The following ITPR3 variants were observed in gnomAD, a reference collection of about 807,000 sequenced individuals.
The protein encoded by ITPR3 is inositol 1,4,5-trisphosphate receptor type 3.
In ITPR3, 173 loss-of-function variants were observed where a neutral mutation model predicts 293.2. That is an observed-to-expected ratio of 0.59 (90% CI 0.52 to 0.67). ITPR3 has a LOEUF of 0.67. ITPR3 is among the 30% of genes least tolerant of loss of function. The probability of loss-of-function intolerance (pLI) is 0.00; values close to 1 mark genes in which losing one functional copy is unlikely to be tolerated. For synonymous variants in ITPR3, 1,295 were observed against 1,444.4 expected, an observed-to-expected ratio of 0.90 and a Z score of 2.35; for missense variants, 2,796 against 3,592.1, an observed-to-expected ratio of 0.78 and a Z score of 5.66.
rs1355405967 is a variant in ITPR3 at position 33,689,263 on chromosome 6, A to G, written c.6720A>G (p.Ser2240=). 5 of 1,610,720 alleles carry G rather than the reference A, an allele frequency of 3.1e-6. No homozygotes were observed. Among genetic ancestry groups the G allele is most frequent in the Non-Finnish European group, 4.2e-6 (5 of 1,179,824 alleles). ...GCGTGCTGGACTCCCCTCTCATCTCATTGCTCTTCTGGATCCTCATCTGCT... is the reference window on the plus strand; with the variant it reads ...GCGTGCTGGACTCCCCTCTCATCTCGTTGCTCTTCTGGATCCTCATCTGCT... The part of the protein sequence containing the change: ...STGVLDSPLI[S]LLFWILICFS... The change falls in exon 50 of 58, where the codon TCA becomes TCG. Residue 2240 remains serine, a synonymous_variant. Coordinates refer to ENST00000605930, the MANE Select transcript of ITPR3 (RefSeq NM_002224.4).
At chr6:33,678,612 C>G (rs1554138663) in intron 29 of ITPR3, 27 bp from the exon 30 acceptor site, 4 of 1,601,776 alleles carry the variant, frequency 2.5e-6, no homozygotes, top group Non-Finnish European at 3.4e-6. Context: ...GCCCAGATCT[C>G]TTTCTGACAG....
At chr6:33,648,782 T>C (rs976784092) in intron 2 of ITPR3, among the ~76,000 whole-genome samples, 26 of 152,158 alleles carry the variant, frequency 1.7e-4, no homozygotes, top group South Asian at 2.1e-4. Flanking sequence ...TTGTAGAAAT[T>C]GGGGGTCTCA....
chr6:33,663,151 T>A (rs1764519016), intron 9 of ITPR3, 145 bp downstream of exon 9: 1 of 685,878 alleles, frequency 1.5e-6, no homozygotes, highest in Admixed American at 2.5e-5. Context: ...TCCAATATTA[T>A]CAAATAAAGG....
intron 2 of ITPR3, among the ~76,000 whole-genome samples, chr6:33,645,291 G>A (rs1421472723): frequency 2.0e-5 from 3 of 152,068 alleles, no homozygotes; most frequent in African/African-American, 4.8e-5. Flanking sequence ...CCAAGATCAC[G>A]CCACTGCACT....
intron 7 of ITPR3, 57 bp downstream of exon 7, chr6:33,659,606 G>C: frequency 1.4e-6 from 2 of 1,454,930 alleles, no homozygotes; most frequent in South Asian, 2.3e-5. Flanking sequence ...CCCCACCAGG[G>C]CCCTCTTCCT....
intron 1 of ITPR3, among the ~76,000 whole-genome samples, chr6:33,634,190 G>T (rs982537985): frequency 1.3e-5 from 2 of 152,140 alleles, no homozygotes; most frequent in Admixed American, 6.5e-5. Flanking sequence ...GGGAGCTTGG[G>T]GGCACGGTGG....
intron 27 of ITPR3, 122 bp from the exon 28 acceptor site, chr6:33,677,382 C>A: frequency 1.5e-6 from 2 of 1,376,734 alleles, no homozygotes; most frequent in Admixed American, 2.1e-5. Context: ...TCTGATTCAG[C>A]GCCTGTGACC....
rs912784494 is a variant in ITPR3 at position 33,676,755 on chromosome 6, C to T, written c.3283-13C>T. ...AGCCCATCTCACCAGCCAGGCCCAT[C>T]CTCCACCTTCAGGTTCAGCTGCTGA... On this transcript the variant is annotated splice_polypyrimidine_tract_variant and intron_variant, in intron 25 of 57. Coordinates refer to ENST00000605930, the MANE Select transcript of ITPR3 (RefSeq NM_002224.4). 13 of 1,613,650 alleles carry T rather than the reference C, an allele frequency of 8.1e-6. No homozygotes were observed. The highest frequency in any genetic ancestry group is 1.3e-5 in the African/African-American group (1 of 74,934).
chr6:33,662,766 C>A, intron 8 of ITPR3, 92 bp downstream of exon 8: 1 of 1,535,380 alleles, frequency 6.5e-7, no homozygotes. Flanking sequence ...GATATTGACC[C>A]CTACCTCCCT....
At chr6:33,657,516 C>T (rs1028281153) in intron 3 of ITPR3, among the ~76,000 whole-genome samples, 29 of 139,074 alleles carry the variant, frequency 2.1e-4, no homozygotes, top group Middle Eastern at 7.6e-3. Flanking sequence ...CCCCTGCCAG[C>T]GTTTGGACTG....
chr6:33,648,222 C>T (rs760035455), intron 2 of ITPR3, among the ~76,000 whole-genome samples: 75 of 151,860 alleles, frequency 4.9e-4, no homozygotes, highest in South Asian at 1.3e-3. Context: ...TGCGTCACCA[C>T]GCCTGGCTAA....
In ITPR3 at chr6:33,666,676, T is replaced by C. The variant is rs1764617663; in HGVS notation, c.1552-453T>C. Reference sequence around the variant, plus strand: ...CCATTCTGTTGCTCTGTCACTTTGGTCTCTGTTTCAGAACAATTTTTCACC... The same window carrying C: ...CCATTCTGTTGCTCTGTCACTTTGGCCTCTGTTTCAGAACAATTTTTCACC... On this transcript the variant is annotated intron_variant, in intron 14 of 57. Coordinates refer to ENST00000605930, the MANE Select transcript of ITPR3 (RefSeq NM_002224.4). This position sits in a 1 kb window ranked among gnomAD's most constrained non-coding sequence, Gnocchi z 5.1. Among the ~76,000 whole-genome samples the C allele has an allele frequency of 6.6e-6, 1 of 151,968 alleles. No individual in the cohort carries two copies. Among genetic ancestry groups the C allele is most frequent in the Admixed American group, 6.6e-5 (1 of 15,266 alleles).
rs775282275 is a variant in ITPR3, at chr6:33,670,449, G to A, written c.2314G>A (p.Asp772Asn). 5.0e-6 allele frequency: 8 copies of A among 1,614,056 alleles called. No individual in the cohort carries two copies. The highest frequency in any genetic ancestry group is 6.8e-6 in the Non-Finnish European group (8 of 1,180,036). The part of the protein sequence containing the change: ...LCMADEMLPF[D>N]LRASFCHLML... ...CATGGCAGACGAGATGCTGCCCTTT[G>A]ACCTGCGCGCCTCCTTCTGCCACCT... is the stretch of plus-strand genomic sequence containing the variant. Residue 772 changes from aspartate (D) to asparagine (N), a missense_variant, in exon 19 of 58, where the codon GAC becomes AAC. Asp to Asn is a conservative substitution (Grantham distance 23). This residue lies in a region of ITPR3 where 955 missense variants were observed against 1,180.8 expected (regional missense o/e 0.81). Transcript: ENST00000605930. The surrounding 1 kb of genome is among the most constrained non-coding windows in gnomAD (Gnocchi z 6.7).
At chr6:33,694,111 C>T (rs968098209) in intron 56 of ITPR3, among the ~76,000 whole-genome samples, 6 of 152,180 alleles carry the variant, frequency 3.9e-5, no homozygotes, top group Admixed American at 1.3e-4. Context: ...ATCTGTGGGC[C>T]GCTCTCAGGG....
chr6:33,685,522 C>A lies in ITPR3; in HGVS notation c.5471C>A (p.Pro1824His). ...CATGAGGACCGCGAGCCAGTCGACC[C>A]CACCACCAAAGGTCAGGGGTCTGAG... ...QPHEDREPVD[P>H]TTKGRVASFS... Residue 1824 changes from proline (P) to histidine (H), a missense_variant, in exon 40 of 58, where the codon CCC becomes CAC. Physicochemically the swap from Pro to His is moderately conservative, Grantham distance 77. Transcript: ENST00000605930. The A allele has an allele frequency of 6.2e-7, 1 of 1,613,384 alleles. No homozygotes were observed. Among genetic ancestry groups the A allele is most frequent in the Non-Finnish European group, 8.5e-7 (1 of 1,179,610 alleles).
rs1428113534 is a variant in ITPR3, at chr6:33,670,384, A to G, written c.2249A>G (p.Glu750Gly). 1.1e-5 allele frequency: 17 copies of G among 1,613,988 alleles called. No homozygotes were observed. Among genetic ancestry groups the G allele is most frequent in the Non-Finnish European group, 1.4e-5 (17 of 1,180,038 alleles). ...CLDRQYLAIDEISQQLGVDLI... is the reference protein window; with the variant it reads ...CLDRQYLAIDGISQQLGVDLI... The stretch of plus-strand genomic sequence containing the variant: ...GACCGCCAGTACTTGGCCATCGACG[A>G]GATCTCCCAGCAGCTGGGCGTGGAC... Residue 750 changes from glutamate to glycine, a missense_variant, in exon 19 of 58, where the codon GAG becomes GGG. Around this residue, in one of 8 missense-constraint regions of ITPR3, gnomAD observed 955 missense variants for 1,180.8 expected, o/e 0.81. Coordinates refer to ENST00000605930, the MANE Select transcript of ITPR3 (RefSeq NM_002224.4). The surrounding 1 kb of genome is among the most constrained non-coding windows in gnomAD (Gnocchi z 6.7).
rs750764933 is a variant in ITPR3 at position 33,669,125 on chromosome 6, G to C, written c.2158G>C (p.Ala720Pro). 6.2e-7 allele frequency: 1 copy of C among 1,613,906 alleles called. No homozygotes were observed. Among genetic ancestry groups the C allele is most frequent in the Admixed American group, 1.7e-5 (1 of 60,000 alleles). Residue 720 changes from alanine to proline, a missense_variant, in exon 18 of 58, where the codon GCC (alanine) becomes CCC (proline). Physicochemically the swap from Ala to Pro is conservative, Grantham distance 27. This residue lies in a region of ITPR3 where 955 missense variants were observed against 1,180.8 expected (regional missense o/e 0.81). Transcript: ENST00000605930. ...QLAQEARAGN[A>P]HDENVLSYYR... The stretch of plus-strand genomic sequence containing the variant: ...GGCCCAGGAGGCGCGGGCCGGCAAC[G>C]CCCACGACGAGAATGTGCTCAGCTA...
At chr6:33,693,940 G>A (rs1289760944) in intron 56 of ITPR3, among the ~76,000 whole-genome samples, 2 of 152,236 alleles carry the variant, frequency 1.3e-5, no homozygotes, top group South Asian at 2.1e-4. Context: ...TGGGCTGCAC[G>A]GAAGCCGCTG....
rs1361595874 is a variant in ITPR3, at chr6:33,633,324, G to A, written c.90-7160G>A. ...CGTGGGTGGAGGGACCTTGTGGGGA[G>A]GCGTTGGCGAGAGGGGGGTGAAGCG... On this transcript the variant is annotated intron_variant, in intron 1 of 57. Coordinates refer to ENST00000605930, the MANE Select transcript of ITPR3 (RefSeq NM_002224.4). The surrounding 1 kb of genome is among the most constrained non-coding windows in gnomAD (Gnocchi z 5.2). Among the ~76,000 whole-genome samples, 1 of 152,226 alleles carries A rather than the reference G, an allele frequency of 6.6e-6. No individual in the cohort carries two copies. The highest frequency in any genetic ancestry group is 1.5e-5 in the Non-Finnish European group (1 of 68,030).
Sources: gnomAD v4.1 joint callset for allele counts (sites outside exome capture counted in the v4.1 genomes callset) on GRCh38, gnomAD v4.1.1 for gene constraint, gnomAD v4.1.1 regional missense constraint, Gnocchi (gnomAD v3.1) non-coding constraint, MANE v1.5 for transcripts, NCBI Gene and HGNC (gene_info 2026-07-23, HGNC 2026-07-21) for gene names.